LGR5: variants seen among roughly 807,000 people sequenced by gnomAD.
LGR5 encodes leucine-rich repeat-containing G protein-coupled receptor 5.
In LGR5, 54 loss-of-function variants were observed where a neutral mutation model predicts 76.7. The observed-to-expected ratio is 0.70, with a 90% CI of 0.57 to 0.88. The LOEUF (loss-of-function observed/expected upper bound fraction) is 0.88. Ranked by LOEUF, LGR5 falls within the 40% of genes least tolerant of loss-of-function variation. The pLI is 0.00. For synonymous variants in LGR5, 406 were observed against 421.9 expected (o/e 0.96, Z 0.46); for missense variants, 1,078 against 1,073.3 (o/e 1.00, Z -0.06).
chr12:71,459,438 G>C (rs1872607302), intron 1 of LGR5, among the ~76,000 whole-genome samples: 1 of 152,066 alleles, frequency 6.6e-6, no homozygotes, highest in Non-Finnish European at 1.5e-5. Flanking sequence ...CATACGCTGA[G>C]CCCCACTCCC....
At chr12:71,535,037 G>T in intron 3 of LGR5, 78 bp from the exon 4 acceptor site, 8 of 938,530 alleles carry the variant, frequency 8.5e-6, no homozygotes, top group Non-Finnish European at 1.3e-5. Context: ...TCTGACACCT[G>T]GAACAGTGCC....
intron 1 of LGR5, among the ~76,000 whole-genome samples, chr12:71,490,250 C>T (rs1217343162): frequency 1.3e-5 from 2 of 152,114 alleles, no homozygotes; most frequent in Admixed American, 1.3e-4. Context: ...GAAAGAGTTC[C>T]CTTTTCTGTT....
At chr12:71,571,402 CAG>C (rs1254307278) in intron 11 of LGR5, 110 bp from the exon 12 acceptor site, 5 of 673,334 alleles carry the variant, frequency 7.4e-6, no homozygotes, top group African/African-American at 5.5e-5. Flanking sequence ...TGAAAATGTT[CAG>C]AGTCTGCCTT....
At position 71,440,293 on chromosome 12, in the gene LGR5, G is replaced by T; in HGVS notation, c.212+1G>T. 1 of 1,609,256 alleles carries T rather than the reference G, an allele frequency of 6.2e-7. No individual in the cohort carries two copies. Among genetic ancestry groups the T allele is most frequent in the Non-Finnish European group, 8.5e-7 (1 of 1,179,562 alleles). On this transcript the variant is annotated splice_donor_variant, in intron 1 of 17. Coordinates refer to ENST00000266674, the MANE Select transcript of LGR5 (RefSeq NM_003667.4). LOFTEE classifies it high-confidence loss of function. This position sits in a 1 kb window ranked among gnomAD's most constrained non-coding sequence, Gnocchi z 5.3. ...ACCTCAGCGTCTTCACCTCCTACCT[G>T]TAAGTACTTCCCCACGTCACTCCGG...
chr12:71,560,734 A>C (rs905259048), intron 7 of LGR5, among the ~76,000 whole-genome samples: 7 of 152,212 alleles, frequency 4.6e-5, no homozygotes, highest in Non-Finnish European at 1.5e-5. Flanking sequence ...CGGTGATTGC[A>C]GTGAGCCGAG....
At chr12:71,477,368 C>A (rs576970519) in intron 1 of LGR5, among the ~76,000 whole-genome samples, 1 of 151,328 alleles carries the variant, frequency 6.6e-6, no homozygotes, top group Non-Finnish European at 1.5e-5. Flanking sequence ...GGGACACGGA[C>A]CTAATGGCTT....
intron 4 of LGR5, among the ~76,000 whole-genome samples, chr12:71,551,603 G>A (rs1464521950): frequency 1.3e-5 from 2 of 152,158 alleles, no homozygotes; most frequent in Non-Finnish European, 2.9e-5. Context: ...GTTGGTTCTA[G>A]TATTCATGCA....
chr12:71,478,444 G>C (rs1873436458), intron 1 of LGR5, among the ~76,000 whole-genome samples: 1 of 152,288 alleles, frequency 6.6e-6, no homozygotes, highest in South Asian at 2.1e-4. Flanking sequence ...TCTGAGTTTT[G>C]AAAATCTCCC....
At chr12:71,443,914 AT>A (rs148323529) in intron 1 of LGR5, among the ~76,000 whole-genome samples, 1,522 of 149,508 alleles carry the variant, frequency 0.01, 7 homozygotes, top group African/African-American at 0.018. Context: ...AAGAGAAAAG[AT>A]TTTTTTTTTT....
intron 1 of LGR5, among the ~76,000 whole-genome samples, chr12:71,460,616 G>T (rs1872649496): frequency 6.6e-6 from 1 of 152,096 alleles, no homozygotes; most frequent in African/African-American, 2.4e-5. Context: ...TACAGTAAGG[G>T]ATGCTTAACT....
At chr12:71,576,935 G>A (rs1180635797) in intron 13 of LGR5, among the ~76,000 whole-genome samples, 3 of 152,050 alleles carry the variant, frequency 2.0e-5, no homozygotes, top group Non-Finnish European at 2.9e-5. Flanking sequence ...CCTTCCATAC[G>A]TTTCCTCCCC....
intron 4 of LGR5, among the ~76,000 whole-genome samples, chr12:71,549,047 G>C (rs1378888021): frequency 6.6e-6 from 1 of 152,170 alleles, no homozygotes; most frequent in East Asian, 1.9e-4. Context: ...CATATGAATA[G>C]AGAATGTTCA....
chr12:71,536,539 T>C (rs55992737), intron 4 of LGR5, among the ~76,000 whole-genome samples: 1,643 of 152,296 alleles, frequency 0.011, 29 homozygotes, highest in African/African-American at 0.037. Flanking sequence ...TGCACAAGCC[T>C]TTACCTGAAG....
intron 3 of LGR5, among the ~76,000 whole-genome samples, chr12:71,529,045 T>C (rs898423634): frequency 6.6e-6 from 1 of 152,238 alleles, no homozygotes; most frequent in African/African-American, 2.4e-5. Flanking sequence ...AGAATATTCA[T>C]GCTCAATTGT....
In LGR5 at chr12:71,526,700, T is replaced by C. The variant is rs78793448; in HGVS notation, c.356+2223T>C. Among the ~76,000 whole-genome samples the C allele has an allele frequency of 1.6e-3, 245 of 152,196 alleles. 3 individuals are homozygous for C. The East Asian group carries it at 0.025, about 15-fold the overall frequency. On this transcript the variant is annotated intron_variant, in intron 3 of 17. Transcript: ENST00000266674. ...GATCACTTCTGATTTTTGTGGAAAG[T>C]GTATCTAGATATCTGTGCAGGGTAC...
chr12:71,556,287 A>G (rs771414641), intron 5 of LGR5, among the ~76,000 whole-genome samples: 19 of 152,186 alleles, frequency 1.2e-4, no homozygotes, highest in South Asian at 2.1e-4. Flanking sequence ...GTTTACCTAC[A>G]TAACAAACCT....
intron 1 of LGR5, among the ~76,000 whole-genome samples, chr12:71,488,616 T>G (rs55943406): frequency 0.11 from 17,085 of 152,194 alleles, 1,089 homozygotes; most frequent in African/African-American, 0.16. Flanking sequence ...GCAGCATTGA[T>G]TTATATTAGT....
intron 4 of LGR5, among the ~76,000 whole-genome samples, chr12:71,547,641 T>C (rs1877251947): frequency 6.6e-6 from 1 of 152,224 alleles, no homozygotes; most frequent in South Asian, 2.1e-4. Flanking sequence ...CAAAGAGAGA[T>C]ATCAATATGC....
intron 1 of LGR5, among the ~76,000 whole-genome samples, chr12:71,483,639 ACT>A (rs1873705036): frequency 2.0e-5 from 3 of 152,054 alleles, no homozygotes; most frequent in Admixed American, 1.3e-4. Context: ...CTGGGTTCAG[ACT>A]CTGACTCTGC....
Sources: gnomAD v4.1 joint callset for allele counts (sites outside exome capture counted in the v4.1 genomes callset) on GRCh38, gnomAD v4.1.1 for gene constraint, Gnocchi (gnomAD v3.1) non-coding constraint, MANE v1.5 for transcripts, NCBI Gene and HGNC (gene_info 2026-07-23, HGNC 2026-07-21) for gene names.